The following CCNL2 variants were observed in gnomAD, a reference collection of about 807,000 sequenced individuals.
CCNL2 encodes the protein cyclin-L2.
In CCNL2, 28 loss-of-function variants were observed where a neutral mutation model predicts 59.1. The ratio of observed to expected loss-of-function variants is 0.47; its 90% CI spans 0.35 to 0.65. CCNL2 has a LOEUF of 0.65. CCNL2 is among the 30% of genes least tolerant of loss of function. CCNL2 has a pLI of 0.00. For missense variants in CCNL2, 714 were observed against 717.4 expected (o/e 1.00, Z 0.05); for synonymous variants, 342 against 288.6 (o/e 1.19, Z -1.88).
At chr1:1,396,136 A>C (rs1645006367) in intron 3 of CCNL2, among the ~76,000 whole-genome samples, 1 of 143,334 alleles carries the variant, frequency 7.0e-6, no homozygotes, top group Non-Finnish European at 1.5e-5. Flanking sequence ...CCGAGATCGC[A>C]TCACTGCACT....
At chr1:1,395,271 G>A in intron 4 of CCNL2, 123 bp downstream of exon 4, 1 of 1,032,420 alleles carries the variant, frequency 9.7e-7, no homozygotes, top group South Asian at 1.7e-5. Flanking sequence ...ATAGAAACTG[G>A]AAAGCCAAGT....
At chr1:1,393,764 C>T (rs1644867160) in intron 4 of CCNL2, among the ~76,000 whole-genome samples, 1 of 152,214 alleles carries the variant, frequency 6.6e-6, no homozygotes, top group Non-Finnish European at 1.5e-5. Context: ...TTGGCCTGTC[C>T]TACACGTCTC....
In CCNL2 at chr1:1,386,891, T is replaced by C. The variant is rs982243444; in HGVS notation, c.*340A>G. The stretch of plus-strand genomic sequence containing the variant: ...TATCAGTCGGGGAGTGGAGAGCGGC[T>C]GCCGATAGCACCAGGCCATGCCAGG... On this transcript the variant is annotated 3_prime_UTR_variant, in exon 11 of 11. Coordinates refer to ENST00000400809, the MANE Select transcript of CCNL2 (RefSeq NM_030937.6). 1.8e-5 allele frequency: 5 copies of C among 272,208 alleles called. No individual in the cohort carries two copies. Among genetic ancestry groups the C allele is most frequent in the African/African-American group, 1.1e-4 (5 of 45,652 alleles). The allele number at this position is 272,208 out of a possible 1,614,324, so 16.9% of individuals were successfully genotyped here. A position where few individuals can be genotyped will look rare whatever the true frequency, so the allele number is the denominator to read the frequency against.
At position 1,392,374 on chromosome 1, in the gene CCNL2, G is replaced by C. The variant is rs137906875; in HGVS notation, c.659+1022C>G. On this transcript the variant is annotated intron_variant, in intron 5 of 10. Transcript: ENST00000400809. ...ATTTAAAGATGCACACCTTTTACCA[G>C]AGCGTGTCATGCAAAGCTGCTCAAA... 567 of 1,063,744 alleles carry C rather than the reference G, an allele frequency of 5.3e-4. 3 individuals are homozygous for C. The African/African-American group carries it at 8.5e-3, about 16-fold the overall frequency. 65.9% of individuals were successfully genotyped at this position (1,063,744 alleles called of 1,614,324 possible).
At chr1:1,395,063 AAAAAAAAAGAAAAC>A in intron 4 of CCNL2, 1 of 210,226 alleles carries the variant, frequency 4.8e-6, no homozygotes, top group Non-Finnish European at 9.6e-6. Flanking sequence ...ACTCCATCTC[AAAAAAAAAGAAAAC>A]AAAAAAAAAT....
chr1:1,394,568 G>A (rs1473545879), intron 4 of CCNL2, among the ~76,000 whole-genome samples: 2 of 151,882 alleles, frequency 1.3e-5, no homozygotes, highest in African/African-American at 4.8e-5. Flanking sequence ...CGGCCAACAT[G>A]ACGAAACCCC....
intron 1 of CCNL2, 82 bp from the exon 2 acceptor site, chr1:1,398,753 T>G: frequency 1.5e-6 from 2 of 1,328,848 alleles, no homozygotes; most frequent in African/African-American, 1.4e-5. Context: ...AACGTGGGAC[T>G]CCCCACGCAG....
chr1:1,391,793 AC>A, intron 5 of CCNL2: 2 of 328,408 alleles, frequency 6.1e-6, no homozygotes, highest in East Asian at 9.6e-5. Flanking sequence ...GATTTAATAG[AC>A]TAAAACCAGA....
At chr1:1,398,739 G>A (rs1645196195) in intron 1 of CCNL2, 68 bp from the exon 2 acceptor site, 5 of 1,428,234 alleles carry the variant, frequency 3.5e-6, no homozygotes, top group South Asian at 3.4e-5. Flanking sequence ...GAAAGTCATC[G>A]AGTAACGTGG....
In CCNL2 at chr1:1,390,241, G is replaced by A. The variant is rs201228864; in HGVS notation, c.995C>T (p.Ala332Val). Reference protein sequence around the residue: ...VLDGTSGFSPAPKLVESPKEG... With the variant: ...VLDGTSGFSPVPKLVESPKEG... The stretch of plus-strand genomic sequence containing the variant: ...TCTAACAGACTCACCCAGCTTGGGG[G>A]CAGGAGAGAACCCCGAGGTACCATC... Residue 332 changes from alanine (A) to valine (V), a missense_variant, in exon 8 of 11, where the codon GCC becomes GTC. Transcript: ENST00000400809. The A allele has an allele frequency of 2.2e-5, 36 of 1,609,314 alleles. 1 individual carries two copies. The African/African-American group carries it at 4.3e-4, about 19-fold the overall frequency.
At chr1:1,398,103 C>A (rs2100361473) in intron 3 of CCNL2, 130 bp downstream of exon 3, 4 of 835,730 alleles carry the variant, frequency 4.8e-6, no homozygotes, top group Non-Finnish European at 7.5e-6. Flanking sequence ...GAGCTTGAGA[C>A]TGCGCTCATG....
chr1:1,395,543 CCA>C (rs760844885), intron 3 of CCNL2, 29 bp from the exon 4 acceptor site: 13 of 1,612,908 alleles, frequency 8.1e-6, no homozygotes, highest in South Asian at 5.5e-5. Flanking sequence ...AGGGTCTGCA[CCA>C]CAGTCAAGCA....
chr1:1,390,349 C>T lies in CCNL2; in HGVS notation c.887G>A (p.Gly296Asp), dbSNP rs769726291. Reference sequence around the variant, plus strand: ...AGCGTGCTTTCTTTTTTCCACTTCACCCTCCAGGTGTGTGAGATCAACCTG... The same window carrying T: ...AGCGTGCTTTCTTTTTTCCACTTCATCCTCCAGGTGTGTGAGATCAACCTG... ...RKKVDLTHLE[G>D]EVEKRKHAIE... The change falls in exon 8 of 11, where the codon GGT becomes GAT. Residue 296 changes from glycine to aspartate, a missense_variant. This residue lies in a region of CCNL2 where 403 missense variants were observed against 377.7 expected (regional missense o/e 1.07). Transcript: ENST00000400809. The T allele has an allele frequency of 1.2e-6, 2 of 1,613,788 alleles. No individual in the cohort carries two copies.
At chr1:1,391,366 TC>T in intron 5 of CCNL2, 1 of 1,170,180 alleles carries the variant, frequency 8.5e-7, no homozygotes, top group Non-Finnish European at 1.1e-6. Context: ...GGGTTCCTCT[TC>T]CTCTTCCTCC....
chr1:1,395,001 T>TCCACTG (rs1297460539), intron 4 of CCNL2, among the ~76,000 whole-genome samples: 1 of 151,398 alleles, frequency 6.6e-6, no homozygotes, highest in Non-Finnish European at 1.5e-5. Context: ...AGGTTGTGCC[T>TCCACTG]CCACTGCCAC....
At chr1:1,388,317 T>C (rs1557710099) in intron 8 of CCNL2, 1 of 480,524 alleles carries the variant, frequency 2.1e-6, no homozygotes, top group Non-Finnish European at 3.8e-6. Flanking sequence ...AGTCAATACA[T>C]TGAGACCATC....
chr1:1,391,129 T>C lies in CCNL2; in HGVS notation c.660-264A>G, dbSNP rs1185044666. On this transcript the variant is annotated intron_variant, in intron 5 of 10. Coordinates refer to ENST00000400809, the MANE Select transcript of CCNL2 (RefSeq NM_030937.6). ...CTGGCTGAATGTCAGACAATACGTG[T>C]TGCTATGAAAGAGAACCGACTTTAA... 4.0e-6 allele frequency: 5 copies of C among 1,248,400 alleles called. No individual in the cohort carries two copies. The African/African-American group carries it at 7.6e-5, about 19-fold the overall frequency. 77.3% of individuals were successfully genotyped at this position (1,248,400 alleles called of 1,614,324 possible).
rs1208480187 is a variant in CCNL2 at position 1,392,897 on chromosome 1, C to T, written c.659+499G>A. ...ACAATTCAGTCAGCAAAAATATGAC[C>T]CTTACAGACTTAACTCCATGGGAAA... is the stretch of plus-strand genomic sequence containing the variant. On this transcript the variant is annotated intron_variant, in intron 5 of 10. Transcript: ENST00000400809. 4 of 1,278,194 alleles carry T rather than the reference C, an allele frequency of 3.1e-6. No individual in the cohort carries two copies. The East Asian group carries it at 7.3e-5, about 23-fold the overall frequency. The allele number at this position is 1,278,194 out of a possible 1,614,324, so 79.2% of individuals were successfully genotyped here.
Position 1,399,322 on chromosome 1 carries a change from C to T in CCNL2, c.-16G>A. 2 of 1,436,250 alleles carry T rather than the reference C, an allele frequency of 1.4e-6. No homozygotes were observed. The highest frequency in any genetic ancestry group is 2.3e-4 in the Middle Eastern group (1 of 4,386). The allele number at this position is 1,436,250 out of a possible 1,614,324, so 89.0% of individuals were successfully genotyped here. On this transcript the variant is annotated 5_prime_UTR_variant, in exon 1 of 11. Transcript: ENST00000400809. ...CCGCCGCCATTTTGTGCCGCCGACT[C>T]CCCTTCGGCTTCTTCCCTCAGGGCG... is the stretch of plus-strand genomic sequence containing the variant.
Sources: gnomAD v4.1 joint callset for allele counts (sites outside exome capture counted in the v4.1 genomes callset) on GRCh38, gnomAD v4.1.1 for gene constraint, gnomAD v4.1.1 regional missense constraint, MANE v1.5 for transcripts, NCBI Gene and HGNC (gene_info 2026-07-23, HGNC 2026-07-21) for gene names.